BAZ2B: variants seen among roughly 807,000 people sequenced by gnomAD.
BAZ2B encodes bromodomain adjacent to zinc finger domain 2B.
Under a neutral mutation model 246.0 loss-of-function variants are expected in BAZ2B, and 91 were observed. That is an observed-to-expected ratio of 0.37 (90% confidence interval 0.31 to 0.44). The LOEUF is 0.44. BAZ2B is among the 20% of genes least tolerant of loss of function. BAZ2B has a pLI of 1.00. For synonymous variants in BAZ2B, 855 were observed against 860.0 expected, an observed-to-expected ratio of 0.99 and a Z score of 0.10; for missense variants, 2,332 against 2,533.7, an observed-to-expected ratio of 0.92 and a Z score of 1.71.
chr2:159,329,136 G>T (rs1289522889), intron 34 of BAZ2B, among the ~76,000 whole-genome samples: 1 of 73,490 alleles, frequency 1.4e-5, no homozygotes, highest in Non-Finnish European at 3.1e-5. Context: ...GTCTTAATAG[G>T]AAAAAAAAAA....
intron 27 of BAZ2B, among the ~76,000 whole-genome samples, chr2:159,369,155 G>C (rs2060546208): frequency 6.6e-6 from 1 of 152,150 alleles, no homozygotes; most frequent in Non-Finnish European, 1.5e-5. Context: ...AAATAAGCTG[G>C]GAAGTTTGTG....
intron 36 of BAZ2B, among the ~76,000 whole-genome samples, chr2:159,323,248 G>A (rs1291561536): frequency 6.6e-6 from 1 of 151,952 alleles, no homozygotes; most frequent in Non-Finnish European, 1.5e-5. Context: ...ACCTCCCAAA[G>A]TGCTGGGATT....
the BAZ2B span, among the ~76,000 whole-genome samples, chr2:159,690,531 T>C: frequency 2.6e-5 from 4 of 152,206 alleles, no homozygotes; most frequent in Non-Finnish European, 4.4e-5. Flanking sequence ...ATATAAAATA[T>C]TAATTTCTGA....
At chr2:159,558,766 G>T (rs1363451495) in intron 1 of BAZ2B, among the ~76,000 whole-genome samples, 1 of 152,138 alleles carries the variant, frequency 6.6e-6, no homozygotes, top group Non-Finnish European at 1.5e-5. Flanking sequence ...TTAAGTTCAA[G>T]AAGTAGAGAC....
At chr2:159,559,144 T>G (rs1381500211) in intron 1 of BAZ2B, among the ~76,000 whole-genome samples, 1 of 152,002 alleles carries the variant, frequency 6.6e-6, no homozygotes, top group African/African-American at 2.4e-5. Flanking sequence ...CTCATGAGGC[T>G]GAGGTAGGAG....
chr2:159,663,474 A>G, the BAZ2B span, among the ~76,000 whole-genome samples: 2 of 150,002 alleles, frequency 1.3e-5, no homozygotes, highest in African/African-American at 4.9e-5. Flanking sequence ...AAGTGCTGGG[A>G]TTACAGGTGT....
intron 14 of BAZ2B, among the ~76,000 whole-genome samples, chr2:159,410,890 G>C (rs1398086824): frequency 6.6e-6 from 1 of 152,172 alleles, no homozygotes; most frequent in Non-Finnish European, 1.5e-5. Flanking sequence ...TCATCAAAAA[G>C]AGACTGACTC....
At chr2:159,622,263 C>CAAA in the BAZ2B span, among the ~76,000 whole-genome samples, 725 of 64,142 alleles carry the variant, frequency 0.011, 31 homozygotes, top group East Asian at 0.025. Context: ...AGTACTGTCT[C>CAAA]AAAAAAAAAA....
chr2:159,623,054 G>A, the BAZ2B span, among the ~76,000 whole-genome samples: 1 of 148,428 alleles, frequency 6.7e-6, no homozygotes, highest in African/African-American at 2.5e-5. Context: ...GAAAAGAAAG[G>A]AAGAGGGAAG....
rs77409127 is a variant in BAZ2B at position 159,562,354 on chromosome 2, T to G, written c.-45-6489A>C. Among the ~76,000 whole-genome samples the G allele has an allele frequency of 6.7e-3, 1,021 of 152,336 alleles. 4 individuals carry two copies. Among genetic ancestry groups the G allele is most frequent in the Non-Finnish European group, 0.01 (710 of 68,024 alleles). ...AAAAACCATGGAAACAAAGCATAAC[T>G]GGCTATTAGACTTGGTAAATTTAAA... On this transcript the variant is annotated intron_variant, in intron 1 of 36. Transcript: ENST00000392783.
chr2:159,395,859 A>G (rs1472317004), intron 19 of BAZ2B, 25 bp from the exon 20 acceptor site: 13 of 1,577,090 alleles, frequency 8.2e-6, no homozygotes, highest in Non-Finnish European at 1.1e-5. Context: ...AAAATGTGGA[A>G]AATAACTCAG....
chr2:159,438,538 T>A lies in BAZ2B; in HGVS notation c.1058A>T (p.Gln353Leu). The A allele has an allele frequency of 1.2e-6, 2 of 1,614,164 alleles. No homozygotes were observed. Among genetic ancestry groups the A allele is most frequent in the Non-Finnish European group, 1.7e-6 (2 of 1,180,008 alleles). Residue 353 changes from glutamine to leucine, a missense_variant, in exon 8 of 37, where the codon CAG becomes CTG. Gln to Leu is a moderately radical substitution (Grantham distance 113). Around this residue, in one of 9 missense-constraint regions of BAZ2B, gnomAD observed 161 missense variants for 225.8 expected, o/e 0.71. Coordinates refer to ENST00000392783, the MANE Select transcript of BAZ2B (RefSeq NM_013450.4). ...QQKQPQVLSQ[Q>L]LPFIFQSSQA... ...AGAGCTTTGGAAAATAAATGGAAGCTGCTGTGACAAAACCTGAGGCTGCTT... is the reference window on the plus strand; with the variant it reads ...AGAGCTTTGGAAAATAAATGGAAGCAGCTGTGACAAAACCTGAGGCTGCTT...
chr2:159,355,271 C>T (rs1327785812), intron 27 of BAZ2B, among the ~76,000 whole-genome samples: 4 of 152,144 alleles, frequency 2.6e-5, no homozygotes, highest in Non-Finnish European at 4.4e-5. Context: ...TAGGAGTACT[C>T]GCAGAGCTTT....
At chr2:159,365,478 C>T (rs1294748569) in intron 27 of BAZ2B, among the ~76,000 whole-genome samples, 1 of 152,092 alleles carries the variant, frequency 6.6e-6, no homozygotes, top group Non-Finnish European at 1.5e-5. Context: ...TTTTGTTGTA[C>T]CTGTCATAAT....
chr2:159,554,344 C>T (rs540573481), intron 2 of BAZ2B, among the ~76,000 whole-genome samples: 51 of 151,970 alleles, frequency 3.4e-4, no homozygotes, highest in African/African-American at 1.2e-3. Context: ...GCACTAGATG[C>T]TAAACAGAAG....
At position 159,446,952 on chromosome 2, in the gene BAZ2B, T is replaced by C. The variant is rs762028787; in HGVS notation, c.526A>G (p.Ser176Gly). The C allele has an allele frequency of 6.3e-7, 1 of 1,584,616 alleles. No individual in the cohort carries two copies. The highest frequency in any genetic ancestry group is 1.2e-5 in the South Asian group (1 of 85,184). Residue 176 changes from serine (S) to glycine (G), a missense_variant, in exon 6 of 37, where the codon AGT becomes GGT. Physicochemically the swap from Ser to Gly is moderately conservative, Grantham distance 56. Coordinates refer to ENST00000392783, the MANE Select transcript of BAZ2B (RefSeq NM_013450.4). ...EKGVNGSING[S>G]NTSSVIGINT... ...ATACCAATTACAGATGATGTATTACTTCCATTTATTGACCCATTTACACCT... is the reference window on the plus strand; with the variant it reads ...ATACCAATTACAGATGATGTATTACCTCCATTTATTGACCCATTTACACCT...
chr2:159,395,743 A>G, intron 20 of BAZ2B, 26 bp downstream of exon 20: 6 of 1,563,070 alleles, frequency 3.8e-6, no homozygotes, highest in South Asian at 1.1e-5. Flanking sequence ...TTATAAGGTA[A>G]TATTTTTCTA....
Position 159,324,905 on chromosome 2 carries a change from G to C in BAZ2B, c.6259C>G (p.Leu2087Val). 1 of 1,559,732 alleles carries C rather than the reference G, an allele frequency of 6.4e-7. No homozygotes were observed. Among genetic ancestry groups the C allele is most frequent in the East Asian group, 2.5e-5 (1 of 40,690 alleles). The change falls in exon 36 of 37, where the codon CTT becomes GTT. Residue 2087 changes from leucine to valine, a missense_variant. By Grantham distance (32) the Leu-to-Val change is conservative. This residue lies in a region of BAZ2B where 210 missense variants were observed against 232.5 expected (regional missense o/e 0.90). Transcript: ENST00000392783. The part of the protein sequence containing the change: ...ETHEDAWPFL[L>V]PVNLKLVPGY... ...GGAACAAGTTTCAAGTTTACAGGAA[G>C]TAGAAAAGGCCATGCATCCTCATGA...
chr2:159,625,628 G>GA, the BAZ2B span, among the ~76,000 whole-genome samples: 1 of 152,186 alleles, frequency 6.6e-6, no homozygotes, highest in African/African-American at 2.4e-5. Context: ...AGCAAATGCT[G>GA]AGAGATTTTG....
Sources: allele counts gnomAD v4.1 joint callset (sites outside exome capture counted in the v4.1 genomes callset), GRCh38; gene constraint gnomAD v4.1.1; regional missense constraint gnomAD v4.1.1; transcripts MANE v1.5; gene names NCBI Gene and HGNC (gene_info 2026-07-23, HGNC 2026-07-21).